The following LMF1 variants were observed in gnomAD, a reference collection of about 807,000 sequenced individuals.
LMF1 encodes lipase maturation factor 1, also known as transmembrane protein 112.
In LMF1, 68 loss-of-function variants were observed where a neutral mutation model predicts 60.6. The ratio of observed to expected loss-of-function variants is 1.12; its 90% CI spans 0.92 to 1.37. LMF1 has a LOEUF of 1.37. Ranked by LOEUF, LMF1 falls within the 40% of genes most tolerant of loss-of-function variation. The pLI, the probability that LMF1 is intolerant of heterozygous loss-of-function variation, is 0.00. For missense variants in LMF1, 948 were observed against 767.2 expected (o/e 1.24, Z -2.78); for synonymous variants, 418 against 324.7 (o/e 1.29, Z -3.09).
chr16:969,160 T>A (rs1035769009), intron 1 of LMF1: 3 of 152,044 alleles, frequency 2.0e-5, no homozygotes, highest in Admixed American at 6.6e-5. Flanking sequence ...AAAATATTTT[T>A]AAAAATTAGT....
chr16:914,364 C>A (rs1363832393), intron 3 of LMF1, among the ~76,000 whole-genome samples: 2 of 152,128 alleles, frequency 1.3e-5, no homozygotes, highest in African/African-American at 4.8e-5. Context: ...GGGAGGCTCC[C>A]CACACCCGAC....
intron 5 of LMF1, chr16:881,516 A>T (rs2070162791): frequency 6.6e-6 from 1 of 152,280 alleles, no homozygotes; most frequent in African/African-American, 2.4e-5. Context: ...CTAAAAAGAC[A>T]ATTTTAAATA....
chr16:901,025 C>G (rs1296657279), intron 4 of LMF1: 1 of 151,900 alleles, frequency 6.6e-6, no homozygotes, highest in Non-Finnish European at 1.5e-5. Context: ...GCAGCCACCC[C>G]AGGACAGCCA....
At chr16:964,015 C>T (rs754616500) in intron 1 of LMF1, 26 of 455,862 alleles carry the variant, frequency 5.7e-5, no homozygotes, top group South Asian at 4.0e-4. Context: ...CCATGGCGGC[C>T]ACCCGCCTCT....
intron 4 of LMF1, among the ~76,000 whole-genome samples, chr16:894,467 C>T (rs1254813174): frequency 6.6e-6 from 1 of 151,846 alleles, no homozygotes; most frequent in African/African-American, 2.4e-5. Flanking sequence ...CCCCTGTCCA[C>T]CCGACTTCTA....
At chr16:968,593 G>A (rs1381732473) in intron 1 of LMF1, 1 of 152,224 alleles carries the variant, frequency 6.6e-6, no homozygotes, top group Non-Finnish European at 1.5e-5. Context: ...AGCTCAGCCA[G>A]AAAACCATGT....
chr16:887,684 G>A (rs1364864476), intron 5 of LMF1, among the ~76,000 whole-genome samples: 2 of 152,190 alleles, frequency 1.3e-5, no homozygotes, highest in African/African-American at 2.4e-5. Context: ...CTCCTAGCAT[G>A]AATGGCCTCT....
At position 854,440 on chromosome 16, in the gene LMF1, T is replaced by C; in HGVS notation, c.*92A>G. 1.5e-6 allele frequency: 2 copies of C among 1,304,420 alleles called. No homozygotes were observed. The allele number at this position is 1,304,420 out of a possible 1,614,324, so 80.8% of individuals were successfully genotyped here. ...ACCGCTCTCCTCTCCACGTCTCTCT[T>C]GGCGATGCCCAGCTTGGGCTGGGCG... On this transcript the variant is annotated 3_prime_UTR_variant, in exon 11 of 11. Coordinates refer to ENST00000262301, the MANE Select transcript of LMF1 (RefSeq NM_022773.4).
intron 6 of LMF1, 80 bp from the exon 7 acceptor site, chr16:871,421 A>G: frequency 8.1e-6 from 10 of 1,227,740 alleles, no homozygotes; most frequent in South Asian, 4.1e-5. Flanking sequence ...TTCCTGGAGC[A>G]GGGAGGGGGG....
At chr16:887,389 G>C (rs1054965266) in intron 5 of LMF1, among the ~76,000 whole-genome samples, 1 of 152,220 alleles carries the variant, frequency 6.6e-6, no homozygotes, top group Non-Finnish European at 1.5e-5. Context: ...GAAGCTGGCC[G>C]GGCCAGGCTG....
At chr16:889,637 C>A (rs56274719) in intron 5 of LMF1, among the ~76,000 whole-genome samples, 35,458 of 152,078 alleles carry the variant, frequency 0.23, 4,401 homozygotes, top group East Asian at 0.37. Flanking sequence ...CCTTATCTGA[C>A]CAGCAAGAAT....
rs1275534276 is a variant in LMF1 at position 854,034 on chromosome 16, T to A, written c.*498A>T. On this transcript the variant is annotated 3_prime_UTR_variant, in exon 11 of 11. Transcript: ENST00000262301. ...TCCTGGCCGGGCGTGTCCAGGTCCC[T>A]GTGGGGCGAGGGTTTGGCTGCCCCA... 1 of 454,604 alleles carries A rather than the reference T, an allele frequency of 2.2e-6. No individual in the cohort carries two copies. The highest frequency in any genetic ancestry group is 2.0e-5 in the African/African-American group (1 of 50,020). The allele number at this position is 454,604 out of a possible 1,614,324, so 28.2% of individuals were successfully genotyped here. A position where few individuals can be genotyped will look rare whatever the true frequency, so the allele number is the denominator to read the frequency against.
chr16:871,569 A>G (rs2069794829), intron 6 of LMF1: 1 of 575,016 alleles, frequency 1.7e-6, no homozygotes, highest in South Asian at 2.1e-5. Flanking sequence ...CATTCCTCCC[A>G]TGACTGCACA....
At chr16:979,435 C>T in intron 1 of LMF1, 1 of 354,282 alleles carries the variant, frequency 2.8e-6, no homozygotes, top group Non-Finnish European at 5.6e-6. Context: ...AGCCTGCACG[C>T]CCAGCACCTC....
At chr16:947,634 A>G in intron 2 of LMF1, 2 of 455,764 alleles carry the variant, frequency 4.4e-6, no homozygotes, top group South Asian at 3.1e-5. Context: ...AAGTTTCTGG[A>G]GAGGATCTTT....
intron 2 of LMF1, among the ~76,000 whole-genome samples, chr16:953,407 CAA>C (rs1405828617): frequency 2.6e-5 from 2 of 76,486 alleles, no homozygotes; most frequent in African/African-American, 8.3e-5. Context: ...ACACCCACCC[CAA>C]ACCAGCCTCC....
intron 8 of LMF1, 56 bp from the exon 9 acceptor site, chr16:870,122 G>A: frequency 6.5e-7 from 1 of 1,549,664 alleles, no homozygotes; most frequent in Non-Finnish European, 8.7e-7. Flanking sequence ...GGGCCGAGTG[G>A]GGTGCATGGG....
chr16:960,411 ACGG>A, intron 1 of LMF1, among the ~76,000 whole-genome samples: 1 of 91,484 alleles, frequency 1.1e-5, no homozygotes, highest in African/African-American at 5.1e-5. Context: ...ACACAGACTC[ACGG>A]TGACAGCACG....
At chr16:981,171 G>C (rs1218402296) in exon 1 of LMF1, 6 of 454,438 alleles carry the variant, frequency 1.3e-5, no homozygotes, top group Non-Finnish European at 2.7e-5. Context: ...CGCAGACTCT[G>C]GACGAGCTGG....
Sources: allele counts gnomAD v4.1 joint callset (sites outside exome capture counted in the v4.1 genomes callset), GRCh38; gene constraint gnomAD v4.1.1; transcripts MANE v1.5; gene names NCBI Gene and HGNC (gene_info 2026-07-23, HGNC 2026-07-21).